The following GPC6 variants were observed in gnomAD, a reference collection of about 807,000 sequenced individuals.
GPC6 encodes the protein glypican-6.
A neutral mutation model predicts 55.2 loss-of-function variants in GPC6; 14 were observed. The observed-to-expected ratio is 0.25, with a 90% CI of 0.17 to 0.40. GPC6 has a LOEUF of 0.40. Ranked by LOEUF, GPC6 falls within the 10% of genes least tolerant of loss-of-function variation. The probability of loss-of-function intolerance (pLI) is 1.00; values close to 1 mark genes in which losing one functional copy is unlikely to be tolerated. For synonymous variants in GPC6, 278 were observed against 259.6 expected (o/e 1.07, Z -0.68); for missense variants, 641 against 708.5 (o/e 0.90, Z 1.08).
At chr13:93,600,388 G>C (rs1328560726) in intron 2 of GPC6, among the ~76,000 whole-genome samples, 1 of 152,162 alleles carries the variant, frequency 6.6e-6, no homozygotes, top group African/African-American at 2.4e-5. Context: ...ATTGTATGTG[G>C]AGAAGAAATT....
At chr13:93,832,397 C>T (rs1205515865) in intron 3 of GPC6, among the ~76,000 whole-genome samples, 1 of 151,754 alleles carries the variant, frequency 6.6e-6, no homozygotes, top group Non-Finnish European at 1.5e-5. Context: ...GTCACAGAGG[C>T]TGCAAGCTGA....
upstream of GPC6, among the ~76,000 whole-genome samples, chr13:93,222,641 C>G (rs1017410040): frequency 2.0e-5 from 3 of 152,204 alleles, no homozygotes; most frequent in Non-Finnish European, 4.4e-5. Context: ...CACCTGGGTT[C>G]CACGATGCTA....
chr13:93,963,669 A>G (rs1481558558), intron 3 of GPC6, among the ~76,000 whole-genome samples: 2 of 152,278 alleles, frequency 1.3e-5, no homozygotes, highest in Non-Finnish European at 2.9e-5. Flanking sequence ...GACAGATGGT[A>G]TCTTTGGAAT....
intron 3 of GPC6, among the ~76,000 whole-genome samples, chr13:93,901,986 A>AT (rs1876383896): frequency 6.6e-6 from 1 of 152,032 alleles, no homozygotes; most frequent in Non-Finnish European, 1.5e-5. Flanking sequence ...GTTTTGATAC[A>AT]TTTATATTTT....
chr13:93,320,440 A>G (rs911804983), intron 1 of GPC6, among the ~76,000 whole-genome samples: 11 of 151,992 alleles, frequency 7.2e-5, no homozygotes, highest in Non-Finnish European at 1.2e-4. Context: ...GAGAAAAACA[A>G]ATAATATTAG....
chr13:93,626,172 G>C (rs931800847), intron 2 of GPC6, among the ~76,000 whole-genome samples: 1 of 152,106 alleles, frequency 6.6e-6, no homozygotes, highest in Non-Finnish European at 1.5e-5. Flanking sequence ...ATACACACAC[G>C]TGCATACATA....
At chr13:93,292,296 C>G (rs1194249884) in intron 1 of GPC6, among the ~76,000 whole-genome samples, 1 of 152,058 alleles carries the variant, frequency 6.6e-6, no homozygotes, top group Non-Finnish European at 1.5e-5. Flanking sequence ...CATGTGAATA[C>G]TTTTAGGAAG....
chr13:93,596,775 C>T (rs572721091), intron 2 of GPC6, among the ~76,000 whole-genome samples: 3 of 147,682 alleles, frequency 2.0e-5, no homozygotes, highest in African/African-American at 7.4e-5. Flanking sequence ...TATATATACA[C>T]ACATACACAG....
chr13:94,315,766 A>G (rs1876487644), intron 6 of GPC6, among the ~76,000 whole-genome samples: 1 of 152,206 alleles, frequency 6.6e-6, no homozygotes, highest in African/African-American at 2.4e-5. Context: ...TCTTTCCTTT[A>G]TTCACCATAT....
chr13:93,601,545 C>T (rs1878016920), intron 2 of GPC6, among the ~76,000 whole-genome samples: 2 of 152,148 alleles, frequency 1.3e-5, no homozygotes, highest in Admixed American at 6.5e-5. Context: ...TCCCTTCTTT[C>T]TCACTGTTCC....
chr13:93,530,646 T>C (rs974563529), intron 1 of GPC6, among the ~76,000 whole-genome samples: 5 of 152,152 alleles, frequency 3.3e-5, no homozygotes, highest in Admixed American at 1.3e-4. Flanking sequence ...TTTTTGAATC[T>C]CTTCCTAAGA....
intron 7 of GPC6, among the ~76,000 whole-genome samples, chr13:94,391,240 C>G (rs1177784862): frequency 6.6e-6 from 1 of 152,118 alleles, no homozygotes; most frequent in African/African-American, 2.4e-5. Flanking sequence ...ATTCTGCTAC[C>G]GTCATCCACT....
At chr13:93,888,465 G>A (rs1875472041) in intron 3 of GPC6, among the ~76,000 whole-genome samples, 1 of 152,164 alleles carries the variant, frequency 6.6e-6, no homozygotes, top group Admixed American at 6.5e-5. Flanking sequence ...CTTGTGTCCA[G>A]GAGATTAAAA....
chr13:94,271,368 G>A (rs202053284), intron 4 of GPC6, among the ~76,000 whole-genome samples: 1,060 of 88,866 alleles, frequency 0.012, 14 homozygotes, highest in African/African-American at 0.041. Flanking sequence ...ACACACACAC[G>A]CGCGCGCGCG....
Position 93,830,456 on chromosome 13 carries a change from A to G in GPC6, c.622A>G (p.Lys208Glu). 1 of 1,613,780 alleles carries G rather than the reference A, an allele frequency of 6.2e-7. No individual in the cohort carries two copies. Among genetic ancestry groups the G allele is most frequent in the Non-Finnish European group, 8.5e-7 (1 of 1,179,848 alleles). ...KPFGDVPRKL[K>E]IQVTRAFIAA... ...ATTTGGAGACGTGCCCCGGAAACTG[A>G]AGATTCAGGTTACCCGCGCCTTCAT... Residue 208 changes from lysine to glutamate, a missense_variant, in exon 3 of 9, where the codon AAG (lysine) becomes GAG (glutamate). Coordinates refer to ENST00000377047, the MANE Select transcript of GPC6 (RefSeq NM_005708.5).
rs556649062 is a variant in GPC6, at chr13:93,650,627, GC to G, written c.319+105207del. Among the ~76,000 whole-genome samples the G allele has an allele frequency of 4.0e-3, 603 of 152,300 alleles. 6 individuals are homozygous for G. The highest frequency in any genetic ancestry group is 0.011 in the South Asian group (51 of 4,830). On this transcript the variant is annotated intron_variant, in intron 2 of 8. Transcript: ENST00000377047. Reference sequence around the variant, plus strand: ...AAAATCCTGACCATAATAGGTAGTAGCAGAAGTCTTTGATCAAGGCCATTTT... The same window carrying G: ...AAAATCCTGACCATAATAGGTAGTAGAGAAGTCTTTGATCAAGGCCATTTT...
chr13:93,368,336 CTTTCCTT>C, intron 1 of GPC6, among the ~76,000 whole-genome samples: 4 of 92,174 alleles, frequency 4.3e-5, no homozygotes, highest in East Asian at 3.4e-4. Context: ...TCCCTCCCTG[CTTTCCTT>C]CCTTCCTTCC....
chr13:94,293,529 G>C (rs1454645608), intron 5 of GPC6, among the ~76,000 whole-genome samples: 1 of 152,124 alleles, frequency 6.6e-6, no homozygotes, highest in Non-Finnish European at 1.5e-5. Flanking sequence ...TCTTTTCTTT[G>C]TAAATTACCC....
At chr13:94,308,932 T>A (rs1191142485) in intron 6 of GPC6, among the ~76,000 whole-genome samples, 5 of 151,858 alleles carry the variant, frequency 3.3e-5, no homozygotes, top group African/African-American at 1.2e-4. Flanking sequence ...GTTGGGGGAG[T>A]TATCCTTGGC....
Sources: gnomAD v4.1 joint callset for allele counts (sites outside exome capture counted in the v4.1 genomes callset) on GRCh38, gnomAD v4.1.1 for gene constraint, MANE v1.5 for transcripts, NCBI Gene and HGNC (gene_info 2026-07-23, HGNC 2026-07-21) for gene names.